Variants in MEGF11 observed in about 807,000 individuals in gnomAD.
MEGF11 encodes the protein multiple epidermal growth factor-like domains protein 11.
MEGF11 carries 126 observed loss-of-function variants against 146.6 expected under a neutral mutation model. That is an observed-to-expected ratio of 0.86 (90% CI 0.74 to 1.00). MEGF11 has a LOEUF of 1.00. Among genes scored for constraint, MEGF11 ranks in the 50% least tolerant of loss-of-function variants. The probability of loss-of-function intolerance (pLI) is 0.00; values close to 1 mark genes in which losing one functional copy is unlikely to be tolerated. For missense variants in MEGF11, 1,509 were observed against 1,521.2 expected, an observed-to-expected ratio of 0.99 and a Z score of 0.13; for synonymous variants, 532 against 583.4, an observed-to-expected ratio of 0.91 and a Z score of 1.27.
chr15:66,030,907 G>T (rs139563773), intron 5 of MEGF11, among the ~76,000 whole-genome samples: 1 of 152,308 alleles, frequency 6.6e-6, no homozygotes, highest in East Asian at 1.9e-4. Flanking sequence ...ATTCAACCTG[G>T]GGCCTGATTT....
intron 7 of MEGF11, among the ~76,000 whole-genome samples, chr15:65,978,023 C>T (rs425829): frequency 0.61 from 92,799 of 152,152 alleles, 28,933 homozygotes; most frequent in Non-Finnish European, 0.68. Flanking sequence ...GCGGAATATC[C>T]TGTGGGCATG....
At position 66,129,542 on chromosome 15, in the gene MEGF11, G is replaced by A. The variant is rs2088552828; in HGVS notation, c.-8-1131C>T. Among the ~76,000 whole-genome samples, 3 of 152,192 alleles carry A rather than the reference G, an allele frequency of 2.0e-5. No homozygotes were observed. In the South Asian group the frequency reaches 6.2e-4, roughly 32 times the overall value. ...CAACTTCTAATAACTGGGGGTGGGGGTGTCATAGAAAATATTTTGACATTG... is the reference window on the plus strand; with the variant it reads ...CAACTTCTAATAACTGGGGGTGGGGATGTCATAGAAAATATTTTGACATTG... On this transcript the variant is annotated intron_variant, in intron 1 of 25. Coordinates refer to ENST00000395614, the MANE Select transcript of MEGF11 (RefSeq NM_001385028.1).
intron 1 of MEGF11, among the ~76,000 whole-genome samples, chr15:66,141,886 G>C (rs539243513): frequency 1.8e-4 from 27 of 152,256 alleles, no homozygotes; most frequent in Non-Finnish European, 3.1e-4. Context: ...TCTAGGGAGA[G>C]ACTGGGGATA....
At chr15:66,167,523 T>C (rs2090129683) in intron 1 of MEGF11, among the ~76,000 whole-genome samples, 1 of 152,066 alleles carries the variant, frequency 6.6e-6, no homozygotes. Flanking sequence ...CGCCGGCCTG[T>C]AATCCCAGCT....
chr15:66,200,772 G>A (rs2091137036), intron 1 of MEGF11, among the ~76,000 whole-genome samples: 1 of 152,122 alleles, frequency 6.6e-6, no homozygotes, highest in South Asian at 2.1e-4. Flanking sequence ...ACTCCAGCGG[G>A]GTGCAGAAGT....
intron 10 of MEGF11, among the ~76,000 whole-genome samples, chr15:65,941,024 A>T (rs1201471895): frequency 6.6e-6 from 1 of 152,178 alleles, no homozygotes; most frequent in Admixed American, 6.5e-5. Flanking sequence ...ACTTATTCTA[A>T]TTTGCACAAA....
chr15:66,015,432 T>C (rs937431732), intron 5 of MEGF11, among the ~76,000 whole-genome samples: 1 of 152,234 alleles, frequency 6.6e-6, no homozygotes, highest in Non-Finnish European at 1.5e-5. Flanking sequence ...CATTTAATCG[T>C]TCATTCAACA....
chr15:65,948,486 G>A (rs2080278340), intron 10 of MEGF11, among the ~76,000 whole-genome samples: 1 of 152,158 alleles, frequency 6.6e-6, no homozygotes, highest in Non-Finnish European at 1.5e-5. Flanking sequence ...AATGAGAAAC[G>A]GGCTCTAAGA....
chr15:66,130,730 G>GAGGGAGGGAGGAAGGAAGGAAGGA lies in MEGF11; in HGVS notation c.-8-2320_-8-2319insTCCTTCCTTCCTTCCTCCCTCCCT, dbSNP rs56371892. 1.9e-3 allele frequency among the ~76,000 whole-genome samples: 269 copies of GAGGGAGGGAGGAAGGAAGGAAGGA among 141,076 alleles called. 1 individual carries two copies. Among genetic ancestry groups the GAGGGAGGGAGGAAGGAAGGAAGGA allele is most frequent in the African/African-American group, 6.8e-3 (260 of 38,334 alleles). The allele number at this position is 141,076 out of a possible 152,430, so 92.6% of individuals were successfully genotyped here. ...AAGGAAAGAAAAAGAAAGAGGGAGG[G>GAGGGAGGGAGGAAGGAAGGAAGGA]AGGAAGGAAGGAAGGAAGGAAGGAA... On this transcript the variant is annotated intron_variant, in intron 1 of 25. Transcript: ENST00000395614.
At chr15:66,158,602 C>G (rs2089846092) in intron 1 of MEGF11, among the ~76,000 whole-genome samples, 1 of 152,216 alleles carries the variant, frequency 6.6e-6, no homozygotes, top group Non-Finnish European at 1.5e-5. Context: ...GTTCCTGGGC[C>G]CCCACTCAGC....
At chr15:65,963,584 T>TATTTGAAGAAATACGGTA (rs2080947408) in intron 9 of MEGF11, among the ~76,000 whole-genome samples, 1 of 152,252 alleles carries the variant, frequency 6.6e-6, no homozygotes, top group Admixed American at 6.5e-5. Context: ...TATTGTCTTG[T>TATTTGAAGAAATACGGTA]ATTTGAAGAA....
chr15:66,143,129 G>C (rs771564253), intron 1 of MEGF11, among the ~76,000 whole-genome samples: 2 of 152,224 alleles, frequency 1.3e-5, no homozygotes, highest in Non-Finnish European at 2.9e-5. Context: ...ATAAACATTC[G>C]ATAACTAATC....
intron 4 of MEGF11, among the ~76,000 whole-genome samples, chr15:66,096,843 G>A (rs1017657848): frequency 1.2e-4 from 19 of 152,156 alleles, no homozygotes; most frequent in Non-Finnish European, 2.4e-4. Flanking sequence ...CCGGTGCTCT[G>A]AGCAAGCTCC....
At chr15:65,920,365 C>G (rs2079135429) in intron 15 of MEGF11, among the ~76,000 whole-genome samples, 1 of 152,248 alleles carries the variant, frequency 6.6e-6, no homozygotes, top group Non-Finnish European at 1.5e-5. Flanking sequence ...GAAAAGCAGG[C>G]TGCCCAGCCT....
At chr15:66,191,134 T>C (rs577529769) in intron 1 of MEGF11, among the ~76,000 whole-genome samples, 3 of 152,148 alleles carry the variant, frequency 2.0e-5, no homozygotes, top group South Asian at 4.1e-4. Context: ...AGGAACACAG[T>C]AGATTCACTA....
chr15:66,160,242 CCTCTCTCTCTCTCT>C (rs143653192), intron 1 of MEGF11, among the ~76,000 whole-genome samples: 8 of 133,410 alleles, frequency 6.0e-5, no homozygotes, highest in African/African-American at 8.7e-5. Flanking sequence ...AAGGAAAAGC[CCTCTCTCTCTCTCT>C]CTCTCTCTCT....
chr15:66,056,245 G>A (rs1344632889), intron 5 of MEGF11, among the ~76,000 whole-genome samples: 1 of 151,470 alleles, frequency 6.6e-6, no homozygotes, highest in Admixed American at 6.6e-5. Context: ...TGCTGTTCTG[G>A]GCCTGGAGAG....
At chr15:66,129,396 A>T (rs2088546295) in intron 1 of MEGF11, among the ~76,000 whole-genome samples, 1 of 152,244 alleles carries the variant, frequency 6.6e-6, no homozygotes, top group Non-Finnish European at 1.5e-5. Context: ...GGCTGAATGA[A>T]CGCTGCGACT....
In MEGF11 at chr15:65,898,752, A is replaced by T; in HGVS notation, c.3238T>A (p.Ser1080Thr). The T allele has an allele frequency of 1.2e-6, 2 of 1,613,902 alleles. No homozygotes were observed. Among genetic ancestry groups the T allele is most frequent in the Non-Finnish European group, 1.7e-6 (2 of 1,179,810 alleles). ...PYTDVPSLST[S>T]NKNIYEVEPT... ...CCAACTTCATATATATTTTTATTAGATGTCGACAAGGATGGCACATCTGTG... is the reference window on the plus strand; with the variant it reads ...CCAACTTCATATATATTTTTATTAGTTGTCGACAAGGATGGCACATCTGTG... Residue 1080 changes from serine (S) to threonine (T), a missense_variant, in exon 25 of 26, where the codon TCT becomes ACT. Ser to Thr is a moderately conservative substitution (Grantham distance 58, BLOSUM62 1). Coordinates refer to ENST00000395614, the MANE Select transcript of MEGF11 (RefSeq NM_001385028.1).
Sources: gnomAD v4.1 joint callset for allele counts (sites outside exome capture counted in the v4.1 genomes callset) on GRCh38, gnomAD v4.1.1 for gene constraint, MANE v1.5 for transcripts, NCBI Gene and HGNC (gene_info 2026-07-23, HGNC 2026-07-21) for gene names.